NPEPL1: variants seen among roughly 807,000 people sequenced by gnomAD.
The protein encoded by NPEPL1 is probable aminopeptidase NPEPL1.
NPEPL1 carries 45 observed loss-of-function variants against 52.4 expected under a neutral mutation model. That is an observed-to-expected ratio of 0.86 (90% CI 0.68 to 1.10). The LOEUF is 1.10. Among genes scored for constraint, NPEPL1 ranks in the 50% least tolerant of loss-of-function variants. The pLI, the probability that NPEPL1 is intolerant of heterozygous loss-of-function variation, is 0.00. For synonymous variants in NPEPL1, 360 were observed against 314.7 expected (o/e 1.14, Z -1.52); for missense variants, 696 against 710.9 (o/e 0.98, Z 0.24).
At chr20:58,707,012 G>C in intron 6 of NPEPL1, 111 bp from the exon 7 acceptor site, 1 of 1,132,870 alleles carries the variant, frequency 8.8e-7, no homozygotes, top group Non-Finnish European at 1.3e-6. Flanking sequence ...CCAGGCCTGA[G>C]AGCTGGGGAA....
intron 7 of NPEPL1, chr20:58,711,112 CT>C (rs1421067426): frequency 2.6e-5 from 3 of 113,712 alleles, no homozygotes; most frequent in East Asian, 4.3e-4. Context: ...TCCTCCCCCC[CT>C]CCTCCCCCTC....
rs970956061 is a variant in NPEPL1, at chr20:58,692,806, G to C, written c.-95G>C. 19 of 973,316 alleles carry C rather than the reference G, an allele frequency of 2.0e-5. No individual in the cohort carries two copies. The African/African-American group carries it at 3.4e-4, about 17-fold the overall frequency. The allele number at this position is 973,316 out of a possible 1,614,324, so 60.3% of individuals were successfully genotyped here. A position where few individuals can be genotyped will look rare whatever the true frequency, so the allele number is the denominator to read the frequency against. On this transcript the variant is annotated 5_prime_UTR_variant, in exon 1 of 12. Transcript: ENST00000356091. This position sits in a 1 kb window ranked among gnomAD's most constrained non-coding sequence, Gnocchi z 5.7. Reference sequence around the variant, plus strand: ...GGCCCGCGGGCTGCCGGGCAGGGCCGGGGCGGTGCCGAGGCCGGGCCGGAG... The same window carrying C: ...GGCCCGCGGGCTGCCGGGCAGGGCCCGGGCGGTGCCGAGGCCGGGCCGGAG...
At chr20:58,704,595 G>A (rs912621454) in intron 6 of NPEPL1, among the ~76,000 whole-genome samples, 5 of 152,186 alleles carry the variant, frequency 3.3e-5, no homozygotes, top group Non-Finnish European at 7.3e-5. Flanking sequence ...TAGCATTGTT[G>A]TACATTTTCA....
At chr20:58,691,493 G>A, upstream of NPEPL1, 1 of 664,794 alleles carries the variant, frequency 1.5e-6, no homozygotes, top group Non-Finnish European at 2.7e-6. Context: ...CTAGTCTGTG[G>A]TGTTTCCAAG....
chr20:58,715,648 C>A lies in NPEPL1; in HGVS notation c.*322C>A. Reference sequence around the variant, plus strand: ...TGGTGCCCTGTCCCAGCCCCAGGTCCTGTGCAGGGCACCTGCGTGGCTGAC... The same window carrying A: ...TGGTGCCCTGTCCCAGCCCCAGGTCATGTGCAGGGCACCTGCGTGGCTGAC... On this transcript the variant is annotated 3_prime_UTR_variant, in exon 12 of 12. Transcript: ENST00000356091. 1 of 235,072 alleles carries A rather than the reference C, an allele frequency of 4.3e-6. No homozygotes were observed. The highest frequency in any genetic ancestry group is 8.2e-6 in the Non-Finnish European group (1 of 122,074). The allele number at this position is 235,072 out of a possible 1,614,324, so 14.6% of individuals were successfully genotyped here.
At position 58,701,669 on chromosome 20, in the gene NPEPL1, G is replaced by A. The variant is rs557549609; in HGVS notation, c.822+511G>A. 1.2e-4 allele frequency among the ~76,000 whole-genome samples: 18 copies of A among 152,264 alleles called. No homozygotes were observed. In the South Asian group the frequency reaches 2.5e-3, roughly 21 times the overall value. ...GCTTGCTGCTTGGGGGCTTTGTCCC[G>A]AGAAGAGAAGGGCAAGGGGACGCCT... On this transcript the variant is annotated intron_variant, in intron 6 of 11. Transcript: ENST00000356091.
chr20:58,689,832 C>T (rs996730250), upstream of NPEPL1, among the ~76,000 whole-genome samples: 1 of 152,202 alleles, frequency 6.6e-6, no homozygotes, highest in Non-Finnish European at 1.5e-5. Flanking sequence ...AACACACACA[C>T]ACACACACAC....
intron 6 of NPEPL1, chr20:58,704,341 G>A (rs2084696456): frequency 1.0e-6 from 1 of 985,250 alleles, no homozygotes; most frequent in African/African-American, 1.7e-5. Context: ...CTCAAGACCA[G>A]CCTGGACTAG....
upstream of NPEPL1, chr20:58,691,400 T>C (rs1284069782): frequency 4.5e-6 from 2 of 445,642 alleles, no homozygotes; most frequent in African/African-American, 3.6e-5. Context: ...TTTTTTTTTT[T>C]TGAGTGCCTG....
chr20:58,697,676 G>A (rs1451261143), intron 3 of NPEPL1, among the ~76,000 whole-genome samples: 1 of 152,242 alleles, frequency 6.6e-6, no homozygotes, highest in African/African-American at 2.4e-5. Flanking sequence ...AAGGGAGGCC[G>A]TGCAAGCAGC....
chr20:58,712,716 C>CCCAGCCCT, intron 8 of NPEPL1, 137 bp downstream of exon 8: 2 of 725,120 alleles, frequency 2.8e-6, no homozygotes, highest in Non-Finnish European at 4.9e-6. Context: ...CTCCTTGCTT[C>CCCAGCCCT]CCGGAGGGCT....
upstream of NPEPL1, chr20:58,691,717 T>TTTTTGTTTG: frequency 1.3e-6 from 1 of 747,886 alleles, no homozygotes; most frequent in South Asian, 1.7e-5. Flanking sequence ...TTTTTTTTCA[T>TTTTTGTTTG]TTTTAGGCTG....
intron 6 of NPEPL1, chr20:58,703,960 C>A (rs1316483253): frequency 1.0e-6 from 1 of 985,274 alleles, no homozygotes; most frequent in Admixed American, 6.1e-5. Context: ...GTTCTGGCAC[C>A]AGTGAAACAA....
At chr20:58,700,093 A>AT (rs1183621691) in intron 5 of NPEPL1, among the ~76,000 whole-genome samples, 1 of 152,240 alleles carries the variant, frequency 6.6e-6, no homozygotes, top group African/African-American at 2.4e-5. Flanking sequence ...AGCTGGAGGC[A>AT]GCAGGTCCTT....
At chr20:58,705,550 G>C in intron 6 of NPEPL1, 1 of 456,302 alleles carries the variant, frequency 2.2e-6, no homozygotes, top group Non-Finnish European at 4.4e-6. Context: ...ACTGTGGCCT[G>C]ATACTCCAGC....
chr20:58,703,029 A>G (rs1270565245), intron 6 of NPEPL1, among the ~76,000 whole-genome samples: 1 of 151,584 alleles, frequency 6.6e-6, no homozygotes, highest in Admixed American at 6.6e-5. Flanking sequence ...ACCATCCCGC[A>G]CTCTCGTGTT....
At position 58,713,269 on chromosome 20, in the gene NPEPL1, G is replaced by A. The variant is rs532762484; in HGVS notation, c.1002-151G>A. ...CACTGCATTGCTGTAGGGACTGGGG[G>A]CATCCCGGCCTTCCCATTCAGGGAA... On this transcript the variant is annotated intron_variant, in intron 8 of 11. Transcript: ENST00000356091. This position sits in a 1 kb window ranked among gnomAD's most constrained non-coding sequence, Gnocchi z 4.6. 1.2e-5 allele frequency: 12 copies of A among 978,290 alleles called. No homozygotes were observed. The African/African-American group carries it at 1.5e-4, about 12-fold the overall frequency. The allele number at this position is 978,290 out of a possible 1,614,324, so 60.6% of individuals were successfully genotyped here. A position where few individuals can be genotyped will look rare whatever the true frequency, so the allele number is the denominator to read the frequency against.
rs533991169 is a variant in NPEPL1, at chr20:58,696,190, C to T, written c.507+1598C>T. Among the ~76,000 whole-genome samples the T allele has an allele frequency of 1.0e-3, 158 of 152,362 alleles. 8 individuals carry two copies. Among genetic ancestry groups the T allele is most frequent in the Non-Finnish European group, 4.9e-4 (33 of 68,034 alleles). ...CCTCTGCTGCCCTCAGTCCCTTCCC[C>T]TCCTGTGGACTTCCTGCTGTCCCTT... On this transcript the variant is annotated intron_variant, in intron 3 of 11. Transcript: ENST00000356091.
chr20:58,696,367 C>A, intron 3 of NPEPL1, among the ~76,000 whole-genome samples: 1 of 152,344 alleles, frequency 6.6e-6, no homozygotes. Context: ...GTCAGCTAAA[C>A]CATCACTACT....
Sources: allele counts gnomAD v4.1 joint callset (sites outside exome capture counted in the v4.1 genomes callset), GRCh38; gene constraint gnomAD v4.1.1; non-coding constraint Gnocchi (gnomAD v3.1); transcripts MANE v1.5; gene names NCBI Gene and HGNC (gene_info 2026-07-23, HGNC 2026-07-21).